NKAIN3: variants seen among roughly 807,000 people sequenced by gnomAD.
NKAIN3 encodes the protein sodium/potassium transporting ATPase interacting 3.
In NKAIN3, 25 loss-of-function variants were observed where a neutral mutation model predicts 30.2. That is an observed-to-expected ratio of 0.83 (90% CI 0.60 to 1.16). The LOEUF (loss-of-function observed/expected upper bound fraction) is 1.16. Ranked by LOEUF, NKAIN3 falls within the 50% of genes most tolerant of loss-of-function variation. The probability of loss-of-function intolerance (pLI) is 0.00; values close to 1 mark genes in which losing one functional copy is unlikely to be tolerated. For missense variants in NKAIN3, 225 were observed against 254.1 expected, an observed-to-expected ratio of 0.89 and a Z score of 0.78; for synonymous variants, 91 against 89.6, an observed-to-expected ratio of 1.02 and a Z score of -0.09.
intron 4 of NKAIN3, among the ~76,000 whole-genome samples, chr8:62,832,298 CACA>C (rs1006720699): frequency 4.1e-5 from 6 of 146,610 alleles, no homozygotes; most frequent in Non-Finnish European, 7.6e-5. Context: ...CACACACACA[CACA>C]CACTCTTAAG....
At chr8:62,347,871 CTT>C (rs1305789195) in intron 1 of NKAIN3, among the ~76,000 whole-genome samples, 1 of 152,052 alleles carries the variant, frequency 6.6e-6, no homozygotes, top group Non-Finnish European at 1.5e-5. Context: ...AAAGAATACA[CTT>C]TCAGTTCAAG....
At chr8:62,845,955 T>A (rs933874053) in intron 4 of NKAIN3, among the ~76,000 whole-genome samples, 1 of 152,178 alleles carries the variant, frequency 6.6e-6, no homozygotes, top group Non-Finnish European at 1.5e-5. Context: ...TGATTCTAGC[T>A]ACACAGAACT....
At chr8:62,844,541 T>C (rs772309493) in intron 4 of NKAIN3, among the ~76,000 whole-genome samples, 7 of 152,136 alleles carry the variant, frequency 4.6e-5, no homozygotes, top group Non-Finnish European at 7.4e-5. Context: ...TACCCAAGAA[T>C]AGAGTGGGTC....
chr8:62,804,090 A>G (rs1159370377), intron 4 of NKAIN3, among the ~76,000 whole-genome samples: 2 of 152,212 alleles, frequency 1.3e-5, no homozygotes, highest in Non-Finnish European at 2.9e-5. Flanking sequence ...GAATAGACCA[A>G]TAACAGGCTC....
In NKAIN3 at chr8:62,581,974, T is replaced by C. The variant is rs547450005; in HGVS notation, c.192+2298T>C. Among the ~76,000 whole-genome samples, 12 of 125,518 alleles carry C rather than the reference T, an allele frequency of 9.6e-5. 2 individuals are homozygous for C. The highest frequency in any genetic ancestry group is 4.2e-4 in the African/African-American group (11 of 26,138). The allele number at this position is 125,518 out of a possible 152,430, so 82.3% of individuals were successfully genotyped here. On this transcript the variant is annotated intron_variant, in intron 2 of 6. Coordinates refer to ENST00000623646, the MANE Select transcript of NKAIN3 (RefSeq NM_001304533.3). ...TATCCTCCCTCCCTTCCTTCTATCC[T>C]TCCTCCCTCCCTTCCTTCTTTCCTT...
chr8:62,728,731 C>T (rs1173863746), intron 3 of NKAIN3, among the ~76,000 whole-genome samples: 2 of 151,846 alleles, frequency 1.3e-5, no homozygotes, highest in Non-Finnish European at 2.9e-5. Context: ...TGGCTCATGC[C>T]TGTAATCCCA....
At chr8:62,462,005 A>C (rs1179780830) in intron 1 of NKAIN3, among the ~76,000 whole-genome samples, 1 of 151,996 alleles carries the variant, frequency 6.6e-6, no homozygotes, top group Non-Finnish European at 1.5e-5. Flanking sequence ...GGATGAATTC[A>C]AAGAAAATTA....
At chr8:62,884,541 G>A (rs1403160086) in intron 4 of NKAIN3, among the ~76,000 whole-genome samples, 2 of 152,204 alleles carry the variant, frequency 1.3e-5, no homozygotes, top group African/African-American at 4.8e-5. Flanking sequence ...ACAGGCGTGA[G>A]CCCCTGCGTC....
chr8:62,990,404 T>G, intron 5 of NKAIN3: 2 of 1,196,022 alleles, frequency 1.7e-6, no homozygotes, highest in East Asian at 6.7e-5. Context: ...CATAGGTTTT[T>G]TTTTAACCAG....
intron 3 of NKAIN3, among the ~76,000 whole-genome samples, chr8:62,742,921 T>C (rs1051133967): frequency 6.6e-6 from 1 of 152,142 alleles, no homozygotes; most frequent in African/African-American, 2.4e-5. Flanking sequence ...TCATCCTTCT[T>C]CACAGGAGAG....
chr8:62,413,325 C>G (rs1804324091), intron 1 of NKAIN3, among the ~76,000 whole-genome samples: 1 of 152,138 alleles, frequency 6.6e-6, no homozygotes, highest in Non-Finnish European at 1.5e-5. Flanking sequence ...GCACACATGT[C>G]TGGAGTGTGG....
intron 2 of NKAIN3, among the ~76,000 whole-genome samples, chr8:62,585,067 TA>T (rs1422096210): frequency 6.6e-6 from 1 of 152,238 alleles, no homozygotes; most frequent in Non-Finnish European, 1.5e-5. Context: ...GGGACTTTTT[TA>T]AAATCTCAGA....
At chr8:62,266,567 G>T (rs185969080) in intron 1 of NKAIN3, among the ~76,000 whole-genome samples, 1 of 152,284 alleles carries the variant, frequency 6.6e-6, no homozygotes, top group Non-Finnish European at 1.5e-5. Flanking sequence ...TTGAGAAATT[G>T]TAACATATGT....
chr8:62,751,016 T>C (rs1243715224), intron 4 of NKAIN3, among the ~76,000 whole-genome samples: 1 of 152,140 alleles, frequency 6.6e-6, no homozygotes, highest in Middle Eastern at 3.2e-3. Flanking sequence ...GCAAATCTTA[T>C]CAGTCACGTT....
chr8:62,792,242 T>C (rs1189621403), intron 4 of NKAIN3, among the ~76,000 whole-genome samples: 1 of 152,148 alleles, frequency 6.6e-6, no homozygotes, highest in African/African-American at 2.4e-5. Flanking sequence ...TCCCTTCCTG[T>C]ACCTCCCCCT....
chr8:62,957,480 A>T (rs1823452205), intron 6 of NKAIN3, among the ~76,000 whole-genome samples: 1 of 152,156 alleles, frequency 6.6e-6, no homozygotes, highest in South Asian at 2.1e-4. Context: ...AAGAACAAAG[A>T]TGTCCTCCGT....
rs1045635360 is a variant in NKAIN3 at position 62,761,396 on chromosome 8, G to A, written c.471+14267G>A. Among the ~76,000 whole-genome samples the A allele has an allele frequency of 4.6e-5, 7 of 152,118 alleles. No individual in the cohort carries two copies. In the South Asian group the frequency reaches 8.3e-4, roughly 18 times the overall value. The stretch of plus-strand genomic sequence containing the variant: ...TGCTCAGCTCACACTTAGAGTATGC[G>A]AATCAGAAGGGTGGTTCACAGCTGA... On this transcript the variant is annotated intron_variant, in intron 4 of 6. Coordinates refer to ENST00000623646, the MANE Select transcript of NKAIN3 (RefSeq NM_001304533.3).
chr8:62,819,115 G>A (rs1818774471), intron 4 of NKAIN3, among the ~76,000 whole-genome samples: 1 of 144,776 alleles, frequency 6.9e-6, no homozygotes, highest in African/African-American at 2.6e-5. Context: ...AATAATACTG[G>A]GAGTTACAGA....
intron 4 of NKAIN3, among the ~76,000 whole-genome samples, chr8:62,758,668 TAA>T (rs1001934490): frequency 6.6e-6 from 1 of 152,004 alleles, no homozygotes; most frequent in Non-Finnish European, 1.5e-5. Context: ...GTTGACAGAG[TAA>T]ATGAGTTCAG....
Sources: allele counts gnomAD v4.1 joint callset (sites outside exome capture counted in the v4.1 genomes callset), GRCh38; gene constraint gnomAD v4.1.1; transcripts MANE v1.5; gene names NCBI Gene and HGNC (gene_info 2026-07-23, HGNC 2026-07-21).